TTC27: variants seen among roughly 807,000 people sequenced by gnomAD.
The protein encoded by TTC27 is tetratricopeptide repeat domain 27.
A neutral mutation model predicts 115.9 loss-of-function variants in TTC27; 79 were observed. The ratio of observed to expected loss-of-function variants is 0.68; its 90% CI spans 0.57 to 0.82. TTC27 has a LOEUF of 0.82. Ranked by LOEUF, TTC27 falls within the 40% of genes least tolerant of loss-of-function variation. TTC27 has a pLI of 0.00. For synonymous variants in TTC27, 401 were observed against 356.0 expected, an observed-to-expected ratio of 1.13 and a Z score of -1.42; for missense variants, 1,054 against 993.1, an observed-to-expected ratio of 1.06 and a Z score of -0.82.
rs139614995 is a variant in TTC27 at position 32,712,862 on chromosome 2, C to T, written c.1233+9942C>T. 7.9e-5 allele frequency among the ~76,000 whole-genome samples: 12 copies of T among 152,200 alleles called. No homozygotes were observed. In the East Asian group the frequency reaches 2.3e-3, roughly 29 times the overall value. On this transcript the variant is annotated intron_variant, in intron 10 of 19. Transcript: ENST00000317907. ...GCACCCAGCCTTAAATTCTTATATTCAACATTTTATCAGAAGATCACATCC... is the reference window on the plus strand; with the variant it reads ...GCACCCAGCCTTAAATTCTTATATTTAACATTTTATCAGAAGATCACATCC...
intron 13 of TTC27, among the ~76,000 whole-genome samples, chr2:32,760,683 G>T (rs559887421): frequency 6.6e-6 from 1 of 152,064 alleles, no homozygotes; most frequent in Admixed American, 6.6e-5. Flanking sequence ...TCATATCCTT[G>T]CATATCTTGG....
At chr2:32,664,025 T>G (rs1205971122) in intron 5 of TTC27, among the ~76,000 whole-genome samples, 1 of 151,800 alleles carries the variant, frequency 6.6e-6, no homozygotes, top group Non-Finnish European at 1.5e-5. Context: ...ACAAACCCGC[T>G]GAGAAAGAGC....
intron 10 of TTC27, among the ~76,000 whole-genome samples, chr2:32,726,135 C>T (rs924966214): frequency 1.3e-5 from 2 of 152,236 alleles, no homozygotes; most frequent in African/African-American, 4.8e-5. Flanking sequence ...GGAGGGGCTG[C>T]TGTGAAGACC....
intron 12 of TTC27, among the ~76,000 whole-genome samples, chr2:32,754,719 G>A (rs1669143443): frequency 2.6e-5 from 4 of 151,654 alleles, no homozygotes; most frequent in South Asian, 4.2e-4. Context: ...CAGTAGGGGC[G>A]GCCGGGCAGA....
intron 3 of TTC27, among the ~76,000 whole-genome samples, chr2:32,634,435 A>T (rs1026652992): frequency 6.6e-6 from 1 of 151,610 alleles, no homozygotes; most frequent in Non-Finnish European, 1.5e-5. Flanking sequence ...AGTTGGGACT[A>T]CAGTTGCATG....
chr2:32,691,515 T>C (rs1666809957), intron 9 of TTC27, among the ~76,000 whole-genome samples: 2 of 152,026 alleles, frequency 1.3e-5, no homozygotes, highest in African/African-American at 4.8e-5. Flanking sequence ...CCCAGGCTGG[T>C]CTTGAACTCC....
intron 9 of TTC27, among the ~76,000 whole-genome samples, chr2:32,692,037 T>TTTTTTTTTTTTTTTTTTTG (rs1666834918): frequency 4.7e-5 from 1 of 21,272 alleles, no homozygotes; most frequent in Non-Finnish European, 8.1e-5. Context: ...ATTTTTTAGG[T>TTTTTTTTTTTTTTTTTTTG]TTTTTTTTTT....
intron 18 of TTC27, among the ~76,000 whole-genome samples, chr2:32,816,739 C>G (rs1440546570): frequency 6.6e-6 from 1 of 152,064 alleles, no homozygotes; most frequent in African/African-American, 2.4e-5. Context: ...GCTGTCAGTG[C>G]TTCCTGAATG....
chr2:32,738,826 C>T (rs1668533050), intron 12 of TTC27, among the ~76,000 whole-genome samples: 1 of 152,046 alleles, frequency 6.6e-6, no homozygotes, highest in South Asian at 2.1e-4. Flanking sequence ...TTATGAGAGT[C>T]AAGAAAGAAG....
intron 16 of TTC27, among the ~76,000 whole-genome samples, chr2:32,808,347 A>G (rs1306671036): frequency 6.6e-6 from 1 of 152,168 alleles, no homozygotes. Flanking sequence ...GACTCTCGTT[A>G]TCTATTCCTC....
intron 6 of TTC27, among the ~76,000 whole-genome samples, chr2:32,666,174 A>G (rs1034860476): frequency 6.6e-6 from 1 of 152,202 alleles, no homozygotes; most frequent in Admixed American, 6.5e-5. Flanking sequence ...TTGGTCTTAC[A>G]TGAAGTCAGA....
rs1287663921 is a variant in TTC27, at chr2:32,641,155, G to A, written c.537+745G>A. Among the ~76,000 whole-genome samples, 10 of 152,274 alleles carry A rather than the reference G, an allele frequency of 6.6e-5. No individual in the cohort carries two copies. In the East Asian group the frequency reaches 1.7e-3, roughly 26 times the overall value. On this transcript the variant is annotated intron_variant, in intron 4 of 19. Coordinates refer to ENST00000317907, the MANE Select transcript of TTC27 (RefSeq NM_017735.5). ...TATGTCATTATTTGGGTTGGATTTA[G>A]TAAAGCATTTGTTAAATATCTATTA...
chr2:32,666,548 C>T, intron 6 of TTC27, 87 bp from the exon 7 acceptor site: 7 of 1,412,826 alleles, frequency 5.0e-6, no homozygotes, highest in Non-Finnish European at 6.7e-6. Flanking sequence ...CTTGTAAACT[C>T]TAAAGCACTC....
intron 15 of TTC27, among the ~76,000 whole-genome samples, 177 bp from the exon 16 acceptor site, chr2:32,786,807 C>G (rs1203173097): frequency 6.6e-6 from 1 of 152,174 alleles, no homozygotes; most frequent in Non-Finnish European, 1.5e-5. Context: ...GGGTCTGTCA[C>G]TGAATTTTGT....
intron 13 of TTC27, among the ~76,000 whole-genome samples, chr2:32,767,102 C>T (rs1160831751): frequency 6.6e-6 from 1 of 152,084 alleles, no homozygotes; most frequent in African/African-American, 2.4e-5. Context: ...TATTTTAAAG[C>T]AAATCCCATA....
At chr2:32,746,563 CAAAAAAA>C (rs770621313) in intron 12 of TTC27, among the ~76,000 whole-genome samples, 2 of 46,296 alleles carry the variant, frequency 4.3e-5, no homozygotes, top group African/African-American at 1.8e-4. Flanking sequence ...AACTCCATCT[CAAAAAAA>C]AAAAAAAAAA....
At chr2:32,728,665 T>G (rs1668192385) in intron 10 of TTC27, among the ~76,000 whole-genome samples, 1 of 152,160 alleles carries the variant, frequency 6.6e-6, no homozygotes, top group Non-Finnish European at 1.5e-5. Flanking sequence ...GTCTTTGGAG[T>G]CTGACAGGCT....
chr2:32,643,830 T>A (rs193099850), intron 4 of TTC27, among the ~76,000 whole-genome samples: 6 of 151,530 alleles, frequency 4.0e-5, no homozygotes, highest in African/African-American at 1.5e-4. Flanking sequence ...AGGTCAGGAG[T>A]TCGACACCAG....
intron 10 of TTC27, among the ~76,000 whole-genome samples, chr2:32,730,981 A>C (rs927414457): frequency 6.6e-6 from 1 of 152,180 alleles, no homozygotes; most frequent in African/African-American, 2.4e-5. Context: ...GTTAAATTTT[A>C]TGTAGATGGT....
Sources: gnomAD v4.1 joint callset for allele counts (sites outside exome capture counted in the v4.1 genomes callset) on GRCh38, gnomAD v4.1.1 for gene constraint, MANE v1.5 for transcripts, NCBI Gene and HGNC (gene_info 2026-07-23, HGNC 2026-07-21) for gene names.